The following TM4SF1 variants were observed in gnomAD, a reference collection of about 807,000 sequenced individuals.
TM4SF1 encodes the protein transmembrane 4 L6 family member 1.
Under a neutral mutation model 24.5 loss-of-function variants are expected in TM4SF1, and 20 were observed. The ratio of observed to expected loss-of-function variants is 0.82; its 90% CI spans 0.57 to 1.19. TM4SF1 has a LOEUF of 1.19. Among genes scored for constraint, TM4SF1 ranks in the 50% most tolerant of loss-of-function variants. TM4SF1 has a pLI of 0.00. For missense variants in TM4SF1, 258 were observed against 248.1 expected, an observed-to-expected ratio of 1.04 and a Z score of -0.27; for synonymous variants, 107 against 95.4, an observed-to-expected ratio of 1.12 and a Z score of -0.71.
chr3:149,376,664 T>C (rs1339776412), intron 1 of TM4SF1, among the ~76,000 whole-genome samples: 1 of 152,200 alleles, frequency 6.6e-6, no homozygotes, highest in Non-Finnish European at 1.5e-5. Flanking sequence ...CTCCTTAAAA[T>C]TTTTAATCCC....
At position 149,369,631 on chromosome 3, in the gene TM4SF1, T is replaced by A; in HGVS notation, c.*235A>T. 2.1e-6 allele frequency: 1 copy of A among 483,686 alleles called. No individual in the cohort carries two copies. The highest frequency in any genetic ancestry group is 3.6e-6 in the Non-Finnish European group (1 of 275,544). The allele number at this position is 483,686 out of a possible 1,614,324, so 30.0% of individuals were successfully genotyped here. ...CAGTCTGTAAATTACCCCCAGAGGG[T>A]GGTTTGTTTCCTCATTCCTTAAAAA... On this transcript the variant is annotated 3_prime_UTR_variant, in exon 5 of 5. Transcript: ENST00000305366.
At position 149,369,468 on chromosome 3, in the gene TM4SF1, C is replaced by A. The variant is rs142920798; in HGVS notation, c.*398G>T. On this transcript the variant is annotated 3_prime_UTR_variant, in exon 5 of 5. Coordinates refer to ENST00000305366, the MANE Select transcript of TM4SF1 (RefSeq NM_014220.3). The stretch of plus-strand genomic sequence containing the variant: ...AAATCTTTCCAGGTTGTCGGATTTT[C>A]TCCTTCTTGGTCTTATAAAAAGCAA... The A allele has an allele frequency of 3.5e-3, 555 of 159,534 alleles. 3 individuals are homozygous for A. Among genetic ancestry groups the A allele is most frequent in the Non-Finnish European group, 5.5e-3 (406 of 73,452 alleles). 9.9% of individuals were successfully genotyped at this position (159,534 alleles called of 1,614,324 possible).
chr3:149,376,654 C>T (rs1028808401), intron 1 of TM4SF1, among the ~76,000 whole-genome samples: 1 of 152,098 alleles, frequency 6.6e-6, no homozygotes, highest in Non-Finnish European at 1.5e-5. Context: ...CATAAAATTT[C>T]TCCTTAAAAT....
chr3:149,371,702 G>A lies in TM4SF1; in HGVS notation c.579C>T (p.Cys193=), dbSNP rs1333973629. 1.9e-6 allele frequency: 3 copies of A among 1,614,176 alleles called. No homozygotes were observed. The highest frequency in any genetic ancestry group is 1.1e-5 in the South Asian group (1 of 91,076). The change falls in exon 4 of 5, where the codon TGC becomes TGT. Residue 193 remains cysteine, a synonymous_variant. Coordinates refer to ENST00000305366, the MANE Select transcript of TM4SF1 (RefSeq NM_014220.3). ...NGVLGGICGF[C]CSHQQQYDC Reference sequence around the variant, plus strand: ...AGGTTCTTACCTGTTGGTGAGAGCAGCAAAAGCCACATATGCCTCCAAGCA... The same window carrying A: ...AGGTTCTTACCTGTTGGTGAGAGCAACAAAAGCCACATATGCCTCCAAGCA...
rs762908030 is a variant in TM4SF1, at chr3:149,371,800, A to T, written c.481T>A (p.Ser161Thr). Residue 161 changes from serine (S) to threonine (T), a missense_variant, in exon 4 of 5, where the codon TCT becomes ACT. Physicochemically the swap from Ser to Thr is moderately conservative, Grantham distance 58 (BLOSUM62 1). Coordinates refer to ENST00000305366, the MANE Select transcript of TM4SF1 (RefSeq NM_014220.3). ...AGAGCCAAGAGGATAGAAAACAGAG[A>T]TACATTCCATTCCACAATGTGCTTG... ...EPKHIVEWNVSLFSILLALGG... is the reference protein window; with the variant it reads ...EPKHIVEWNVTLFSILLALGG... 15 of 1,614,132 alleles carry T rather than the reference A, an allele frequency of 9.3e-6. No homozygotes were observed. In the Admixed American group the frequency reaches 2.5e-4, roughly 27 times the overall value.
chr3:149,372,567 A>C (rs956371314), intron 3 of TM4SF1, among the ~76,000 whole-genome samples: 1 of 152,212 alleles, frequency 6.6e-6, no homozygotes, highest in African/African-American at 2.4e-5. Context: ...GTTTTTAAGG[A>C]ATAAATTAAT....
rs564657621 is a variant in TM4SF1, at chr3:149,369,737, A to G, written c.*129T>C. 1.8e-6 allele frequency: 2 copies of G among 1,112,862 alleles called. No individual in the cohort carries two copies. The highest frequency in any genetic ancestry group is 3.2e-5 in the African/African-American group (2 of 62,022). 68.9% of individuals were successfully genotyped at this position (1,112,862 alleles called of 1,614,324 possible). A position where few individuals can be genotyped will look rare whatever the true frequency, so the allele number is the denominator to read the frequency against. ...ATCCTGTGAAGATGCCAGTCTTTAC[A>G]GGCGTTTGTAAAAGTAGACTGTGGG... On this transcript the variant is annotated 3_prime_UTR_variant, in exon 5 of 5. Transcript: ENST00000305366.
intron 3 of TM4SF1, 58 bp downstream of exon 3, chr3:149,375,385 G>A: frequency 2.5e-6 from 4 of 1,584,890 alleles, no homozygotes; most frequent in East Asian, 2.2e-5. Context: ...TGATAGAGCT[G>A]CCACTATATA....
intron 3 of TM4SF1, among the ~76,000 whole-genome samples, chr3:149,374,631 T>A (rs1423522225): frequency 6.6e-6 from 1 of 152,200 alleles, no homozygotes; most frequent in African/African-American, 2.4e-5. Flanking sequence ...ATATTATGAT[T>A]GTGAATAGGC....
intron 1 of TM4SF1, 29 bp from the exon 2 acceptor site, chr3:149,375,798 A>T (rs775905821): frequency 1.7e-5 from 27 of 1,610,934 alleles, no homozygotes; most frequent in Non-Finnish European, 2.2e-5. Context: ...AAGTCAGGTC[A>T]TTGTCTTGCT....
In TM4SF1 at chr3:149,377,464, A is replaced by G; in HGVS notation, c.84T>C (p.Leu28=). ...ALLCIAANIL[L]YFPNGETKYA... The stretch of plus-strand genomic sequence containing the variant: ...ACTTTGTTTCCCCATTGGGAAAGTA[A>G]AGCAAAATATTAGCCGCGATGCACA... Residue 28 remains leucine (L), a synonymous_variant, in exon 1 of 5, where the codon CTT becomes CTC. Coordinates refer to ENST00000305366, the MANE Select transcript of TM4SF1 (RefSeq NM_014220.3). 6.2e-7 allele frequency: 1 copy of G among 1,614,188 alleles called. No individual in the cohort carries two copies. The highest frequency in any genetic ancestry group is 8.5e-7 in the Non-Finnish European group (1 of 1,180,036).
intron 3 of TM4SF1, 69 bp from the exon 4 acceptor site, chr3:149,371,936 T>C (rs1232993991): frequency 4.8e-6 from 7 of 1,453,658 alleles, no homozygotes; most frequent in Non-Finnish European, 6.6e-6. Context: ...ACTACTTTTG[T>C]TTGGTGGTTT....
At chr3:149,371,272 T>G (rs575629959) in intron 4 of TM4SF1, 61 of 235,480 alleles carry the variant, frequency 2.6e-4, no homozygotes, top group African/African-American at 1.2e-3. Flanking sequence ...TGCTTAATAT[T>G]TGAGTCATAT....
In TM4SF1 at chr3:149,371,852, G is replaced by T. The variant is rs1368394441; in HGVS notation, c.429C>A (p.Thr143=). 1.2e-6 allele frequency: 2 copies of T among 1,613,966 alleles called. No individual in the cohort carries two copies. Among genetic ancestry groups the T allele is most frequent in the Non-Finnish European group, 1.7e-6 (2 of 1,179,984 alleles). Residue 143 remains threonine, a synonymous_variant, in exon 4 of 5, where the codon ACC becomes ACA. Coordinates refer to ENST00000305366, the MANE Select transcript of TM4SF1 (RefSeq NM_014220.3). ...ASTEGQYLLD[T]STWSECTEPK... Reference sequence around the variant, plus strand: ...GTTCAGTGCACTCGGACCATGTGGAGGTATCCAGAAGGTACCTGTGGGTAA... The same window carrying T: ...GTTCAGTGCACTCGGACCATGTGGATGTATCCAGAAGGTACCTGTGGGTAA...
intron 4 of TM4SF1, chr3:149,370,562 C>A (rs954048477): frequency 3.9e-5 from 6 of 152,250 alleles, no homozygotes; most frequent in African/African-American, 1.4e-4. Flanking sequence ...AGCTGCATGA[C>A]AGCAATCCCT....
At chr3:149,372,781 G>A (rs773234148) in intron 3 of TM4SF1, among the ~76,000 whole-genome samples, 157 of 152,214 alleles carry the variant, frequency 1.0e-3, no homozygotes, top group Admixed American at 1.8e-3. Context: ...GAACCACCAC[G>A]CCCGGCTGAT....
chr3:149,375,658 C>A (rs755430434), intron 2 of TM4SF1, 22 bp downstream of exon 2: 1 of 1,614,172 alleles, frequency 6.2e-7, no homozygotes, highest in Non-Finnish European at 8.5e-7. Context: ...GTCATTTTCA[C>A]CACCAGGGCA....
At position 149,375,667 on chromosome 3, in the gene TM4SF1, C is replaced by T. The variant is rs1560003470; in HGVS notation, c.267+13G>A. ...TTAGGAGTCATTTTCACCACCAGGG[C>T]AGGAGGACCTACCGCACATCGTTTG... is the stretch of plus-strand genomic sequence containing the variant. On this transcript the variant is annotated intron_variant, in intron 2 of 4. Coordinates refer to ENST00000305366, the MANE Select transcript of TM4SF1 (RefSeq NM_014220.3). The T allele has an allele frequency of 6.2e-7, 1 of 1,614,182 alleles. No homozygotes were observed. Among genetic ancestry groups the T allele is most frequent in the East Asian group, 2.2e-5 (1 of 44,884 alleles).
rs1192181865 is a variant in TM4SF1, at chr3:149,376,027, A to G, written c.178-258T>C. ...TGGGAGGAGTAAAATAATAAACTGT[A>G]AACGTGTTTATTCCACAAGAGTTTA... On this transcript the variant is annotated intron_variant, in intron 1 of 4. Coordinates refer to ENST00000305366, the MANE Select transcript of TM4SF1 (RefSeq NM_014220.3). Among the ~76,000 whole-genome samples, 4 of 152,226 alleles carry G rather than the reference A, an allele frequency of 2.6e-5. 1 individual carries two copies. Among genetic ancestry groups the G allele is most frequent in the African/African-American group, 9.6e-5 (4 of 41,456 alleles).
Sources: allele counts gnomAD v4.1 joint callset (sites outside exome capture counted in the v4.1 genomes callset), GRCh38; gene constraint gnomAD v4.1.1; transcripts MANE v1.5; gene names NCBI Gene and HGNC (gene_info 2026-07-23, HGNC 2026-07-21).